Variants in PSORS1C2 observed in about 807,000 individuals in gnomAD.
PSORS1C2 encodes the protein psoriasis susceptibility 1 candidate 2.
A neutral mutation model predicts 12.2 loss-of-function variants in PSORS1C2; 13 were observed. The observed-to-expected ratio is 1.07, with a 90% confidence interval of 0.70 to 1.70. PSORS1C2 has a LOEUF of 1.70. PSORS1C2 is among the 40% of genes most tolerant of loss of function. The pLI is 0.00. For synonymous variants in PSORS1C2, 76 were observed against 69.2 expected (o/e 1.10, Z -0.49); for missense variants, 186 against 173.4 (o/e 1.07, Z -0.41).
At chr6:31,138,537 C>T in intron 1 of PSORS1C2, 2 of 1,604,392 alleles carry the variant, frequency 1.2e-6, no homozygotes, top group Non-Finnish European at 1.7e-6. Context: ...TTCACTTGAC[C>T]CACTTTAAAC....
At chr6:31,138,350 T>C (rs1773266093) in intron 1 of PSORS1C2, 44 bp from the exon 2 acceptor site, 1 of 1,601,478 alleles carries the variant, frequency 6.2e-7, no homozygotes, top group Admixed American at 1.7e-5. Flanking sequence ...TGAGGGCTTC[T>C]CTCCCCAGCC....
chr6:31,138,646 TG>T, intron 1 of PSORS1C2: 1 of 1,613,118 alleles, frequency 6.2e-7, no homozygotes, highest in Non-Finnish European at 8.5e-7. Flanking sequence ...GGTTACACCT[TG>T]GCCCCCAGGC....
Position 31,137,719 on chromosome 6 carries a change from T to C in PSORS1C2, c.*232A>G. On this transcript the variant is annotated 3_prime_UTR_variant, in exon 2 of 2. Coordinates refer to ENST00000259845, the MANE Select transcript of PSORS1C2 (RefSeq NM_014069.3). Reference sequence around the variant, plus strand: ...GAGGCCTGGAGGCGAGGTAGGAGAGTAGGCTTAGGCTGTCAGAGGAAAAAA... The same window carrying C: ...GAGGCCTGGAGGCGAGGTAGGAGAGCAGGCTTAGGCTGTCAGAGGAAAAAA... 2.5e-6 allele frequency: 1 copy of C among 393,144 alleles called. No individual in the cohort carries two copies. The highest frequency in any genetic ancestry group is 1.3e-4 in the South Asian group (1 of 7,572). The allele number at this position is 393,144 out of a possible 1,614,324, so 24.4% of individuals were successfully genotyped here. A position where few individuals can be genotyped will look rare whatever the true frequency, so the allele number is the denominator to read the frequency against.
chr6:31,138,974 C>G lies in PSORS1C2; in HGVS notation c.53G>C (p.Arg18Thr). 6.2e-7 allele frequency: 1 copy of G among 1,614,098 alleles called. No individual in the cohort carries two copies. Residue 18 changes from arginine (R) to threonine (T), a missense_variant and splice_region_variant, in exon 1 of 2, where the codon AGA becomes ACA. Transcript: ENST00000259845. ...LGILVLCLHT[R>T]GISGSEGHPS... Reference sequence around the variant, plus strand: ...CCCTGCCTCTGTTCCCACCTCACCTCTGGTGTGCAGGCAAAGGACCAGGAT... The same window carrying G: ...CCCTGCCTCTGTTCCCACCTCACCTGTGGTGTGCAGGCAAAGGACCAGGAT...
At chr6:31,138,415 C>T (rs753786844) in intron 1 of PSORS1C2, 109 bp from the exon 2 acceptor site, 79 of 1,591,880 alleles carry the variant, frequency 5.0e-5, no homozygotes, top group Non-Finnish European at 6.8e-5. Flanking sequence ...GCAGCCTGAA[C>T]TGACCCACAA....
chr6:31,138,068 G>T lies in PSORS1C2; in HGVS notation c.294C>A (p.Asp98Glu). Residue 98 changes from aspartate to glutamate, a missense_variant, in exon 2 of 2, where the codon GAC becomes GAA. Physicochemically the swap from Asp to Glu is conservative, Grantham distance 45 (BLOSUM62 2). Transcript: ENST00000259845. ...GCTGGGGTCCTGCCGGCCAAGGGTCGTCAGGCCGGGGAGGTTGAGGAGGAT... is the reference window on the plus strand; with the variant it reads ...GCTGGGGTCCTGCCGGCCAAGGGTCTTCAGGCCGGGGAGGTTGAGGAGGAT... The part of the protein sequence containing the change: ...RTDPPQPPRP[D>E]DPWPAGPQPP... 11 of 1,545,260 alleles carry T rather than the reference G, an allele frequency of 7.1e-6. No homozygotes were observed. The highest frequency in any genetic ancestry group is 9.6e-6 in the Non-Finnish European group (11 of 1,148,736).
rs1343294226 is a variant in PSORS1C2 at position 31,137,911 on chromosome 6, C to A, written c.*40G>T. ...TCAGAGGGTGGAGAGGGCGTGGGTG[C>A]CTGGAGATGCCTGGGAACAGAACGG... On this transcript the variant is annotated 3_prime_UTR_variant, in exon 2 of 2. Coordinates refer to ENST00000259845, the MANE Select transcript of PSORS1C2 (RefSeq NM_014069.3). 1.9e-6 allele frequency: 2 copies of A among 1,032,152 alleles called. No homozygotes were observed. The highest frequency in any genetic ancestry group is 2.7e-6 in the Non-Finnish European group (2 of 736,358). The allele number at this position is 1,032,152 out of a possible 1,614,324, so 63.9% of individuals were successfully genotyped here. A position where few individuals can be genotyped will look rare whatever the true frequency, so the allele number is the denominator to read the frequency against.
rs1428146915 is a variant in PSORS1C2, at chr6:31,137,698, C to T, written c.*253G>A. 1.3e-5 allele frequency: 5 copies of T among 383,450 alleles called. No individual in the cohort carries two copies. The highest frequency in any genetic ancestry group is 2.3e-5 in the Non-Finnish European group (5 of 216,992). The allele number at this position is 383,450 out of a possible 1,614,324, so 23.8% of individuals were successfully genotyped here. A position where few individuals can be genotyped will look rare whatever the true frequency, so the allele number is the denominator to read the frequency against. The stretch of plus-strand genomic sequence containing the variant: ...GGGTGGGAGGTAGGTGCGGCCGAGG[C>T]CTGGAGGCGAGGTAGGAGAGTAGGC... On this transcript the variant is annotated 3_prime_UTR_variant, in exon 2 of 2. Transcript: ENST00000259845.
rs1304096324 is a variant in PSORS1C2 at position 31,137,848 on chromosome 6, TAAG to T, written c.*100_*102del. 3.6e-6 allele frequency: 2 copies of T among 549,070 alleles called. No homozygotes were observed. Among genetic ancestry groups the T allele is most frequent in the African/African-American group, 1.9e-5 (1 of 51,558 alleles). 34.0% of individuals were successfully genotyped at this position (549,070 alleles called of 1,614,324 possible). A position where few individuals can be genotyped will look rare whatever the true frequency, so the allele number is the denominator to read the frequency against. ...AAACCGAGGGAATGAGGAAGAGGTT[TAAG>T]GAGACAGGCTAAATTGGGAAGAATT... On this transcript the variant is annotated 3_prime_UTR_variant, in exon 2 of 2. Coordinates refer to ENST00000259845, the MANE Select transcript of PSORS1C2 (RefSeq NM_014069.3).
chr6:31,137,752 T>A lies in PSORS1C2; in HGVS notation c.*199A>T. 1 of 404,530 alleles carries A rather than the reference T, an allele frequency of 2.5e-6. No homozygotes were observed. The highest frequency in any genetic ancestry group is 4.4e-6 in the Non-Finnish European group (1 of 229,310). The allele number at this position is 404,530 out of a possible 1,614,324, so 25.1% of individuals were successfully genotyped here. ...GGCTGTCAGAGGAAAAAACGGGCGA[T>A]GTGAGGACTAAGTATGGATCTCAGG... On this transcript the variant is annotated 3_prime_UTR_variant, in exon 2 of 2. Transcript: ENST00000259845.
Position 31,139,023 on chromosome 6 carries a change from T to G in PSORS1C2, c.4A>C (p.Ile2Leu). 1 of 1,614,056 alleles carries G rather than the reference T, an allele frequency of 6.2e-7. No individual in the cohort carries two copies. The highest frequency in any genetic ancestry group is 8.5e-7 in the Non-Finnish European group (1 of 1,179,980). The change falls in exon 1 of 2, where the codon ATC becomes CTC. Residue 2 changes from isoleucine (I) to leucine (L), a missense_variant. Coordinates refer to ENST00000259845, the MANE Select transcript of PSORS1C2 (RefSeq NM_014069.3). This position sits in a 1 kb window ranked among gnomAD's most constrained non-coding sequence, Gnocchi z 5.2. ...ATCCCCAGGAGCTTCCAGTTGAGGA[T>G]CATGGCTATGTACTGGCCCCCAAAG... is the stretch of plus-strand genomic sequence containing the variant. M[I>L]LNWKLLGILV...
At chr6:31,138,786 GCCAAATGCACCTTCTGCA>G (rs757909689) in intron 1 of PSORS1C2, 168 bp downstream of exon 1, 5 of 1,614,090 alleles carry the variant, frequency 3.1e-6, no homozygotes, top group Non-Finnish European at 4.2e-6. Context: ...TCTGGTGAGA[GCCAAATGCACCTTCTGCA>G]CCATGTCCCC....
At chr6:31,138,411 T>A in intron 1 of PSORS1C2, 105 bp from the exon 2 acceptor site, 1 of 1,588,700 alleles carries the variant, frequency 6.3e-7, no homozygotes, top group East Asian at 2.3e-5. Flanking sequence ...GGACGCAGCC[T>A]GAACTGACCC....
Position 31,138,172 on chromosome 6 carries a change from G to A in PSORS1C2, c.190C>T (p.Pro64Ser), listed in dbSNP as rs143599129. 4.0e-5 allele frequency: 63 copies of A among 1,588,200 alleles called. No individual in the cohort carries two copies. The highest frequency in any genetic ancestry group is 1.5e-4 in the Admixed American group (8 of 55,128). Residue 64 changes from proline (P) to serine (S), a missense_variant, in exon 2 of 2, where the codon CCT (proline) becomes TCT (serine). By Grantham distance (74) the Pro-to-Ser change is moderately conservative. Coordinates refer to ENST00000259845, the MANE Select transcript of PSORS1C2 (RefSeq NM_014069.3). ...WPGAPPLFEDPPPTRPSRPWR... is the reference protein window; with the variant it reads ...WPGAPPLFEDSPPTRPSRPWR... Reference sequence around the variant, plus strand: ...GGACGACTGGGGCGGGTAGGCGGAGGATCTTCAAAGAGAGGGGGTGCCCCT... The same window carrying A: ...GGACGACTGGGGCGGGTAGGCGGAGAATCTTCAAAGAGAGGGGGTGCCCCT...
At position 31,138,112 on chromosome 6, in the gene PSORS1C2, G is replaced by A. The variant is rs2233953; in HGVS notation, c.250C>T (p.Pro84Ser). Reference sequence around the variant, plus strand: ...GGAGGATCCGTTCTAGGCGGTTCAGGGAGCCAGACTCCAGTTTCAGGCAGG... The same window carrying A: ...GGAGGATCCGTTCTAGGCGGTTCAGAGAGCCAGACTCCAGTTTCAGGCAGG... ...RDLPETGVWL[P>S]EPPRTDPPQP... is the part of the protein sequence containing the mutation. Residue 84 changes from proline (P) to serine (S), a missense_variant, in exon 2 of 2, where the codon CCT (proline) becomes TCT (serine). By Grantham distance (74) the Pro-to-Ser change is moderately conservative. Coordinates refer to ENST00000259845, the MANE Select transcript of PSORS1C2 (RefSeq NM_014069.3). 10,488 of 1,603,942 alleles carry A rather than the reference G, an allele frequency of 6.5e-3. 263 individuals carry two copies. Among genetic ancestry groups the A allele is most frequent in the East Asian group, 0.046 (2,050 of 44,828 alleles).
chr6:31,138,246 C>G lies in PSORS1C2; in HGVS notation c.116G>C (p.Gly39Ala). Residue 39 changes from glycine to alanine, a missense_variant, in exon 2 of 2, where the codon GGC (glycine) becomes GCC (alanine). Transcript: ENST00000259845. ...HPPAEDREEA[G>A]SPTLPQGPPV... ...GGGGCCCTGAGGCAATGTTGGGGAG[C>G]CTGCCTCCTCTCGGTCCTCTGCGGG... 6.4e-7 allele frequency: 1 copy of G among 1,567,274 alleles called. No individual in the cohort carries two copies. The highest frequency in any genetic ancestry group is 8.6e-7 in the Non-Finnish European group (1 of 1,157,860).
chr6:31,138,525 C>T (rs28732101), intron 1 of PSORS1C2: 74,278 of 1,604,034 alleles, frequency 0.046, 2,073 homozygotes, highest in South Asian at 0.077. Context: ...GGATCTGAAC[C>T]GTTCACTTGA....
chr6:31,138,867 T>G, intron 1 of PSORS1C2, 105 bp downstream of exon 1: 5 of 1,601,286 alleles, frequency 3.1e-6, no homozygotes, highest in Non-Finnish European at 4.3e-6. Context: ...ACCTTCTGCG[T>G]CCCCTGAATT....
In PSORS1C2 at chr6:31,137,890, A is replaced by T; in HGVS notation, c.*61T>A. The T allele has an allele frequency of 1.4e-6, 1 of 723,974 alleles. No individual in the cohort carries two copies. Among genetic ancestry groups the T allele is most frequent in the Non-Finnish European group, 2.1e-6 (1 of 468,078 alleles). The allele number at this position is 723,974 out of a possible 1,614,324, so 44.8% of individuals were successfully genotyped here. Reference sequence around the variant, plus strand: ...TTGGGAAGAATTCACGGGGAATCAGAGGGTGGAGAGGGCGTGGGTGCCTGG... The same window carrying T: ...TTGGGAAGAATTCACGGGGAATCAGTGGGTGGAGAGGGCGTGGGTGCCTGG... On this transcript the variant is annotated 3_prime_UTR_variant, in exon 2 of 2. Coordinates refer to ENST00000259845, the MANE Select transcript of PSORS1C2 (RefSeq NM_014069.3).
Sources: allele counts gnomAD v4.1 joint callset, GRCh38; gene constraint gnomAD v4.1.1; non-coding constraint Gnocchi (gnomAD v3.1); transcripts MANE v1.5; gene names NCBI Gene and HGNC (gene_info 2026-07-23, HGNC 2026-07-21).